LOC400499: variants seen among roughly 807,000 people sequenced by gnomAD.
the LOC400499 span, chr16:11,477,823 G>A: frequency 2.5e-6 from 1 of 398,950 alleles, no homozygotes; most frequent in Non-Finnish European, 4.4e-6. Context: ...CTAGATACCT[G>A]GGCTTGACAT....
the LOC400499 span, among the ~76,000 whole-genome samples, chr16:11,504,814 T>C: frequency 6.6e-6 from 1 of 152,068 alleles, no homozygotes; most frequent in African/African-American, 2.4e-5. Context: ...TTCCAGCTAT[T>C]CAAGAGGCTG....
chr16:11,456,997 G>T, the LOC400499 span: 1 of 1,535,424 alleles, frequency 6.5e-7, no homozygotes, highest in African/African-American at 1.4e-5. Flanking sequence ...TGGTAAAGCT[G>T]CACGCGGCAA....
the LOC400499 span, among the ~76,000 whole-genome samples, chr16:11,496,855 T>C: frequency 5.3e-5 from 8 of 152,056 alleles, no homozygotes; most frequent in Non-Finnish European, 7.4e-5. Flanking sequence ...TATCTGCATC[T>C]CCAGGTACGT....
At chr16:11,471,088 G>C in the LOC400499 span, among the ~76,000 whole-genome samples, 26 of 152,170 alleles carry the variant, frequency 1.7e-4, no homozygotes, top group African/African-American at 3.9e-4. Flanking sequence ...GAAGCCATAG[G>C]GGGGCAGTCT....
chr16:11,444,225 C>A, the LOC400499 span, among the ~76,000 whole-genome samples: 1 of 152,026 alleles, frequency 6.6e-6, no homozygotes, highest in South Asian at 2.1e-4. Context: ...AGTGAGACCT[C>A]CATCTCTACA....
the LOC400499 span, among the ~76,000 whole-genome samples, chr16:11,464,906 A>G: frequency 1.3e-5 from 2 of 152,374 alleles, no homozygotes; most frequent in African/African-American, 2.4e-5. Context: ...AAAATGAGGC[A>G]TAAGTCTCAG....
the LOC400499 span, among the ~76,000 whole-genome samples, chr16:11,516,953 C>G: frequency 2.0e-5 from 3 of 152,210 alleles, no homozygotes; most frequent in African/African-American, 7.2e-5. Flanking sequence ...AGCCTCTTGT[C>G]TATTTTGAAC....
At chr16:11,398,489 TG>T in the LOC400499 span, 5 of 1,232,256 alleles carry the variant, frequency 4.1e-6, no homozygotes, top group Non-Finnish European at 5.1e-6. Context: ...TGATCTTGTC[TG>T]GCTGAGATGG....
At chr16:11,495,375 C>T in the LOC400499 span, among the ~76,000 whole-genome samples, 14 of 149,450 alleles carry the variant, frequency 9.4e-5, no homozygotes, top group Non-Finnish European at 1.6e-4. Flanking sequence ...GAAATCAGAC[C>T]AACAAATCTT....
the LOC400499 span, among the ~76,000 whole-genome samples, chr16:11,458,673 G>A: frequency 3.3e-5 from 5 of 152,252 alleles, no homozygotes; most frequent in East Asian, 1.9e-4. Context: ...AAGTTCTGGA[G>A]ATAAGTAGTG....
chr16:11,430,126 A>T, the LOC400499 span, among the ~76,000 whole-genome samples: 1 of 152,170 alleles, frequency 6.6e-6, no homozygotes, highest in African/African-American at 2.4e-5. Flanking sequence ...GAAAGCAGGC[A>T]TCGGGAAGTG....
chr16:11,494,534 G>C, the LOC400499 span: 2 of 397,558 alleles, frequency 5.0e-6, no homozygotes, highest in Non-Finnish European at 8.9e-6. Flanking sequence ...GGCCCCACTG[G>C]GGGCACTGAA....
At chr16:11,412,867 G>A in the LOC400499 span, 2,725 of 399,108 alleles carry the variant, frequency 6.8e-3, 62 homozygotes, top group African/African-American at 0.049. Flanking sequence ...GGCCACGGAC[G>A]TCAAGGACCA....
At chr16:11,489,377 G>T in the LOC400499 span, among the ~76,000 whole-genome samples, 3 of 152,180 alleles carry the variant, frequency 2.0e-5, no homozygotes, top group African/African-American at 7.2e-5. Flanking sequence ...GGGAAGATCA[G>T]TTAAAAGCAG....
At chr16:11,393,890 C>A in the LOC400499 span, among the ~76,000 whole-genome samples, 1 of 152,140 alleles carries the variant, frequency 6.6e-6, no homozygotes, top group South Asian at 2.1e-4. Flanking sequence ...CTAGCCTGGA[C>A]CACATGGCAA....
the LOC400499 span, chr16:11,459,778 A>G: frequency 9.5e-7 from 1 of 1,051,556 alleles, no homozygotes; most frequent in African/African-American, 1.6e-5. Context: ...CACCAAGGCT[A>G]AGTTTCAGCT....
At chr16:11,503,215 T>G in the LOC400499 span, among the ~76,000 whole-genome samples, 1 of 151,518 alleles carries the variant, frequency 6.6e-6, no homozygotes, top group Admixed American at 6.6e-5. Flanking sequence ...GCGCCCACCC[T>G]TTTCCAATAT....
chr16:11,451,089 G>C, the LOC400499 span, among the ~76,000 whole-genome samples: 1 of 152,202 alleles, frequency 6.6e-6, no homozygotes, highest in South Asian at 2.1e-4. Context: ...AACACATGCT[G>C]AAACGTTTAG....
chr16:11,446,696 G>A, the LOC400499 span: 28 of 1,532,400 alleles, frequency 1.8e-5, no homozygotes, highest in South Asian at 3.3e-4. Context: ...GGCAGCTGGG[G>A]CCTTCCTCTG....
Sources: gnomAD v4.1 joint callset for allele counts (sites outside exome capture counted in the v4.1 genomes callset) on GRCh38, gnomAD v4.1.1 for gene constraint, MANE v1.5 for transcripts.